Variants in PLCH2 observed in about 807,000 individuals in gnomAD.
PLCH2 encodes the protein phospholipase C eta 2.
In PLCH2, 98 loss-of-function variants were observed where a neutral mutation model predicts 134.7. The ratio of observed to expected loss-of-function variants is 0.73; its 90% CI spans 0.62 to 0.86. The LOEUF (loss-of-function observed/expected upper bound fraction) is 0.86, where lower values mean the gene tolerates loss of function less well. Ranked by LOEUF, PLCH2 falls within the 40% of genes least tolerant of loss-of-function variation. The pLI is 0.00. For missense variants in PLCH2, 1,994 were observed against 1,986.6 expected (o/e 1.00, Z -0.07); for synonymous variants, 974 against 827.5 (o/e 1.18, Z -3.04).
At chr1:2,441,347 T>G (rs948459063) in intron 2 of PLCH2, among the ~76,000 whole-genome samples, 6 of 152,208 alleles carry the variant, frequency 3.9e-5, no homozygotes, top group African/African-American at 1.4e-4. Flanking sequence ...TGGGTTTGGC[T>G]TCTGCCAGCT....
At chr1:2,497,723 T>G in intron 16 of PLCH2, 114 bp downstream of exon 16, 4 of 669,556 alleles carry the variant, frequency 6.0e-6, no homozygotes, top group Non-Finnish European at 7.6e-6. Flanking sequence ...GGGGCGGCTT[T>G]GGCAGAGTCC....
intron 13 of PLCH2, 120 bp from the exon 14 acceptor site, chr1:2,496,487 T>C: frequency 3.7e-6 from 3 of 811,136 alleles, no homozygotes; most frequent in Non-Finnish European, 4.1e-6. Context: ...CCGTCTCTGA[T>C]GGTTCGGGGC....
At chr1:2,480,119 C>T (rs536552738) in intron 3 of PLCH2, 64 bp from the exon 4 acceptor site, 4 of 1,600,128 alleles carry the variant, frequency 2.5e-6, no homozygotes, top group East Asian at 2.2e-5. Context: ...CCTCCCTAGG[C>T]CAGAGGGTGG....
At chr1:2,474,560 G>A (rs1641513887), upstream of PLCH2, among the ~76,000 whole-genome samples, 2 of 151,870 alleles carry the variant, frequency 1.3e-5, no homozygotes, top group South Asian at 4.2e-4. Flanking sequence ...GCAGATGGCG[G>A]CCTCCAAGCC....
At chr1:2,437,996 G>A (rs1238775754) in intron 2 of PLCH2, among the ~76,000 whole-genome samples, 6 of 152,176 alleles carry the variant, frequency 3.9e-5, no homozygotes, top group East Asian at 1.9e-4. Context: ...CTGAGCATCC[G>A]CCAAGGTCCC....
intron 21 of PLCH2, 100 bp from the exon 22 acceptor site, chr1:2,503,822 A>T: frequency 1.6e-6 from 1 of 626,728 alleles, no homozygotes; most frequent in Middle Eastern, 3.9e-4. Context: ...GGCACCGGGG[A>T]CACCACCCTG....
At chr1:2,485,451 G>A (rs1351273342) in intron 5 of PLCH2, among the ~76,000 whole-genome samples, 1 of 152,218 alleles carries the variant, frequency 6.6e-6, no homozygotes, top group African/African-American at 2.4e-5. Context: ...TGAGGACCCT[G>A]GACCCTCCTC....
At chr1:2,428,709 G>T (rs1387694034) in intron 1 of PLCH2, among the ~76,000 whole-genome samples, 1 of 152,252 alleles carries the variant, frequency 6.6e-6, no homozygotes, top group East Asian at 1.9e-4. Context: ...TCAGGAACCT[G>T]CCGGTCTCCG....
At chr1:2,484,171 G>T (rs1642169786) in intron 4 of PLCH2, among the ~76,000 whole-genome samples, 1 of 152,128 alleles carries the variant, frequency 6.6e-6, no homozygotes, top group African/African-American at 2.4e-5. Context: ...AGTGTTAACT[G>T]CTGTGTGGGG....
intron 2 of PLCH2, among the ~76,000 whole-genome samples, chr1:2,443,905 CGCCCTCGCT>C (rs1159903088): frequency 1.3e-5 from 2 of 151,514 alleles, no homozygotes; most frequent in South Asian, 2.1e-4. Context: ...CCGCCCCCGC[CGCCCTCGCT>C]GCCCTCGCTG....
In PLCH2 at chr1:2,504,073, C is replaced by A. The variant is rs1158333896; in HGVS notation, c.3111C>A (p.Pro1037=). The change falls in exon 22 of 22, where the codon CCC becomes CCA. Residue 1037 remains proline, a synonymous_variant. Transcript: ENST00000378486. ...SQGRPPYPTG[P]GANVASPLED... ...GACGGCCCCCATACCCCACAGGACCCGGAGCCAATGTGGCAAGCCCCCTAG... is the reference window on the plus strand; with the variant it reads ...GACGGCCCCCATACCCCACAGGACCAGGAGCCAATGTGGCAAGCCCCCTAG... 2.6e-6 allele frequency: 4 copies of A among 1,548,430 alleles called. No homozygotes were observed. Among genetic ancestry groups the A allele is most frequent in the Non-Finnish European group, 3.5e-6 (4 of 1,146,838 alleles).
At chr1:2,455,151 T>C (rs1186785288) in intron 2 of PLCH2, among the ~76,000 whole-genome samples, 1 of 152,198 alleles carries the variant, frequency 6.6e-6, no homozygotes, top group African/African-American at 2.4e-5. Flanking sequence ...ACCATGCTCT[T>C]TTCTGAGATA....
At chr1:2,497,078 G>A in intron 15 of PLCH2, 68 bp downstream of exon 15, 1 of 1,467,574 alleles carries the variant, frequency 6.8e-7, no homozygotes. Context: ...TGAAGCCCAA[G>A]GGGCGAGCAG....
At chr1:2,478,048 C>G (rs541878613) in intron 1 of PLCH2, among the ~76,000 whole-genome samples, 25 of 152,360 alleles carry the variant, frequency 1.6e-4, no homozygotes, top group African/African-American at 6.0e-4. Context: ...GCCTCGTGCC[C>G]GGCCTTCCCA....
chr1:2,491,042 C>T (rs1642548036), intron 10 of PLCH2, 150 bp from the exon 11 acceptor site: 1 of 725,744 alleles, frequency 1.4e-6, no homozygotes, highest in Non-Finnish European at 2.2e-6. Context: ...GGGTTCCCGT[C>T]CTGCCTGTGG....
Position 2,476,557 on chromosome 1 carries a change from C to T in PLCH2, c.-32C>T, listed in dbSNP as rs1028985549. On this transcript the variant is annotated 5_prime_UTR_variant, in exon 1 of 22. Coordinates refer to ENST00000378486, the MANE Select transcript of PLCH2 (RefSeq NM_014638.4). ...CCGAAGGCCGGTGGGCCTCTGTGGC[C>T]TCCGTGAAGCAGGCCCGGCTGTCGT... 5 of 1,468,028 alleles carry T rather than the reference C, an allele frequency of 3.4e-6. No homozygotes were observed. In the East Asian group the frequency reaches 1.2e-4, roughly 37 times the overall value. The allele number at this position is 1,468,028 out of a possible 1,614,324, so 90.9% of individuals were successfully genotyped here. A position where few individuals can be genotyped will look rare whatever the true frequency, so the allele number is the denominator to read the frequency against.
chr1:2,498,652 G>A lies in PLCH2; in HGVS notation c.2349+5G>A. On this transcript the variant is annotated splice_donor_5th_base_variant and intron_variant, in intron 17 of 21. Transcript: ENST00000378486. The surrounding 1 kb of genome is among the most constrained non-coding windows in gnomAD (Gnocchi z 5.4). ...ATGCTGGGGGACCGTGGGGAGGTGGGGGCCAGCCCCACACAGGCGGGAGGG... is the reference window on the plus strand; with the variant it reads ...ATGCTGGGGGACCGTGGGGAGGTGGAGGCCAGCCCCACACAGGCGGGAGGG... 6.4e-7 allele frequency: 1 copy of A among 1,563,770 alleles called. No individual in the cohort carries two copies. Among genetic ancestry groups the A allele is most frequent in the Non-Finnish European group, 8.7e-7 (1 of 1,155,348 alleles).
At chr1:2,496,748 G>A in intron 14 of PLCH2, 44 bp downstream of exon 14, 2 of 1,610,476 alleles carry the variant, frequency 1.2e-6, no homozygotes, top group Admixed American at 1.7e-5. Context: ...AGGCCTCCCT[G>A]TCCCCCATCC....
intron 4 of PLCH2, among the ~76,000 whole-genome samples, chr1:2,481,727 A>G (rs115810747): frequency 0.027 from 4,187 of 152,278 alleles, 95 homozygotes; most frequent in Non-Finnish European, 0.042. Flanking sequence ...CTCCAGCCCT[A>G]TGTAGTGGAG....
Sources: gnomAD v4.1 joint callset for allele counts (sites outside exome capture counted in the v4.1 genomes callset) on GRCh38, gnomAD v4.1.1 for gene constraint, Gnocchi (gnomAD v3.1) non-coding constraint, MANE v1.5 for transcripts, NCBI Gene and HGNC (gene_info 2026-07-23, HGNC 2026-07-21) for gene names.